MYO7A: variants seen among roughly 807,000 people sequenced by gnomAD.
MYO7A encodes the protein myosin VIIA, also known as unconventional myosin-VIIa.
Under a neutral mutation model 263.8 loss-of-function variants are expected in MYO7A, and 210 were observed. The ratio of observed to expected loss-of-function variants is 0.80; its 90% confidence interval spans 0.71 to 0.89. MYO7A has a LOEUF of 0.89. Among genes scored for constraint, MYO7A ranks in the 40% least tolerant of loss-of-function variants. MYO7A has a pLI of 0.00. For missense variants in MYO7A, 2,820 were observed against 2,968.3 expected, an observed-to-expected ratio of 0.95 and a Z score of 1.16; for synonymous variants, 1,239 against 1,197.3, an observed-to-expected ratio of 1.03 and a Z score of -0.72.
chr11:77,205,725 A>C, intron 40 of MYO7A, 108 bp downstream of exon 40: 1 of 1,438,116 alleles, frequency 7.0e-7, no homozygotes, highest in East Asian at 2.4e-5. Context: ...AGTTGGGCCC[A>C]CCCCTGGGGT....
At chr11:77,164,992 TATTAGGTG>T (rs1953398188) in intron 14 of MYO7A, among the ~76,000 whole-genome samples, 1 of 152,222 alleles carries the variant, frequency 6.6e-6, no homozygotes, top group Admixed American at 6.5e-5. Flanking sequence ...AAGTGGGTGG[TATTAGGTG>T]TTCTGAAGAG....
In MYO7A at chr11:77,156,800, G is replaced by C; in HGVS notation, c.592+19G>C. ...CTGGAAGGTAGGACCAGAGTTCCGAGGGTGGGACCAGGCAGTGGGGCGGGA... is the reference window on the plus strand; with the variant it reads ...CTGGAAGGTAGGACCAGAGTTCCGACGGTGGGACCAGGCAGTGGGGCGGGA... On this transcript the variant is annotated intron_variant, in intron 6 of 48. Coordinates refer to ENST00000409709, the MANE Select transcript of MYO7A (RefSeq NM_000260.4). 1 of 1,613,988 alleles carries C rather than the reference G, an allele frequency of 6.2e-7. No homozygotes were observed. Among genetic ancestry groups the C allele is most frequent in the Admixed American group, 1.7e-5 (1 of 60,034 alleles).
chr11:77,203,340 A>AC, intron 38 of MYO7A, 123 bp downstream of exon 38: 1 of 1,112,822 alleles, frequency 9.0e-7, no homozygotes, highest in East Asian at 2.6e-5. Flanking sequence ...TTGATGGAGT[A>AC]CCCCCTCCCT....
Position 77,206,101 on chromosome 11 carries a change from G to T in MYO7A, c.5641G>T (p.Gly1881Trp), listed in dbSNP as rs373886432. 1 of 1,610,750 alleles carries T rather than the reference G, an allele frequency of 6.2e-7. No individual in the cohort carries two copies. The highest frequency in any genetic ancestry group is 8.5e-7 in the Non-Finnish European group (1 of 1,178,710). The change falls in exon 41 of 49, where the codon GGG becomes TGG. Residue 1881 changes from glycine (G) to tryptophan (W), a missense_variant. Coordinates refer to ENST00000409709, the MANE Select transcript of MYO7A (RefSeq NM_000260.4). ...CTGCCCCTGCTGCCTTTTCAGAAACGGGTCCCGGAAGTACCCTCCGCACCT... is the reference window on the plus strand; with the variant it reads ...CTGCCCCTGCTGCCTTTTCAGAAACTGGTCCCGGAAGTACCCTCCGCACCT... Reference protein sequence around the residue: ...LQRLQKALRNGSRKYPPHLVE... With the variant: ...LQRLQKALRNWSRKYPPHLVE...
intron 48 of MYO7A, among the ~76,000 whole-genome samples, chr11:77,214,215 G>T (rs1958028736): frequency 1.3e-5 from 2 of 152,218 alleles, no homozygotes; most frequent in Admixed American, 6.5e-5. Context: ...AGTGCCTTCA[G>T]TATCTGGGGA....
chr11:77,196,742 G>A (rs1415006781), intron 32 of MYO7A, among the ~76,000 whole-genome samples: 1 of 151,928 alleles, frequency 6.6e-6, no homozygotes, highest in Non-Finnish European at 1.5e-5. Flanking sequence ...CTCATGGGTG[G>A]AGATGGGGCC....
At position 77,211,220 on chromosome 11, in the gene MYO7A, G is replaced by C. The variant is rs1957843873; in HGVS notation, c.6120G>C (p.Leu2040=). The C allele has an allele frequency of 1.4e-5, 23 of 1,591,328 alleles. No homozygotes were observed. Among genetic ancestry groups the C allele is most frequent in the Non-Finnish European group, 2.0e-5 (23 of 1,169,264 alleles). The change falls in exon 45 of 49, where the codon CTG becomes CTC. Residue 2040 remains leucine (L), a synonymous_variant. Coordinates refer to ENST00000409709, the MANE Select transcript of MYO7A (RefSeq NM_000260.4). ...TREEVLQLGA[L]IYRVKFEEDK... Reference sequence around the variant, plus strand: ...AGGAGGTGCTGCAGCTGGGGGCGCTGATCTACAGGGTCAAGTTCGAGGAGG... The same window carrying C: ...AGGAGGTGCTGCAGCTGGGGGCGCTCATCTACAGGGTCAAGTTCGAGGAGG...
intron 31 of MYO7A, chr11:77,193,991 T>C (rs1304587861): frequency 2.0e-6 from 1 of 490,882 alleles, no homozygotes; most frequent in Non-Finnish European, 4.0e-6. Flanking sequence ...GGCAGACACT[T>C]CCTCTTCTGC....
chr11:77,144,449 C>G (rs1051088365), intron 3 of MYO7A, among the ~76,000 whole-genome samples: 1 of 152,176 alleles, frequency 6.6e-6, no homozygotes, highest in Non-Finnish European at 1.5e-5. Flanking sequence ...GGTCCCCTCC[C>G]GCTTCTCCTC....
rs915777927 is a variant in MYO7A, at chr11:77,177,757, A to G, written c.2282+114A>G. 5 of 782,338 alleles carry G rather than the reference A, an allele frequency of 6.4e-6. No homozygotes were observed. The African/African-American group carries it at 6.8e-5, about 11-fold the overall frequency. The allele number at this position is 782,338 out of a possible 1,614,324, so 48.5% of individuals were successfully genotyped here. ...CACTAGGAAAAAAACGTGTTCACCT[A>G]TGAAACAAGTGCACACATGCATGGC... On this transcript the variant is annotated intron_variant, in intron 19 of 48. Coordinates refer to ENST00000409709, the MANE Select transcript of MYO7A (RefSeq NM_000260.4).
intron 44 of MYO7A, among the ~76,000 whole-genome samples, chr11:77,210,000 TCTTCCCTCAGTTC>T (rs1350645340): frequency 6.6e-6 from 1 of 152,260 alleles, no homozygotes; most frequent in Non-Finnish European, 1.5e-5. Flanking sequence ...GTTGGGATGC[TCTTCCCTCAGTTC>T]CTTCCCTCAC....
intron 2 of MYO7A, among the ~76,000 whole-genome samples, chr11:77,134,253 C>T (rs1555046825): frequency 6.6e-6 from 1 of 152,118 alleles, no homozygotes; most frequent in Non-Finnish European, 1.5e-5. Flanking sequence ...CTTAAATCTG[C>T]ATCAATATAG....
chr11:77,208,984 T>C, intron 44 of MYO7A, 181 bp downstream of exon 44: 1 of 605,624 alleles, frequency 1.7e-6, no homozygotes, highest in Admixed American at 2.8e-5. Flanking sequence ...CCTTGTATCT[T>C]CTGATTCTTC....
At chr11:77,189,247 A>G (rs1955852403) in intron 27 of MYO7A, 97 bp from the exon 28 acceptor site, 8 of 1,535,334 alleles carry the variant, frequency 5.2e-6, no homozygotes, top group Non-Finnish European at 5.3e-6. Context: ...GTTGGAGAGG[A>G]CAGCTGTGTG....
At chr11:77,139,148 T>A (rs1233301654) in intron 2 of MYO7A, among the ~76,000 whole-genome samples, 1 of 152,226 alleles carries the variant, frequency 6.6e-6, no homozygotes, top group Non-Finnish European at 1.5e-5. Context: ...TGGTGGAAAC[T>A]GAGGCCCAGA....
rs782436102 is a variant in MYO7A at position 77,157,246 on chromosome 11, C to T, written c.736-33C>T. ...CTGATGGCCTCCTCTGGCCCTCCTC[C>T]CCTGGCCCCCAGCACTGTGCCCACA... is the stretch of plus-strand genomic sequence containing the variant. On this transcript the variant is annotated intron_variant, in intron 7 of 48. Transcript: ENST00000409709. 11 of 1,547,866 alleles carry T rather than the reference C, an allele frequency of 7.1e-6. No individual in the cohort carries two copies. In the Admixed American group the frequency reaches 9.1e-5, roughly 13 times the overall value.
At chr11:77,167,980 G>A (rs1477875342) in intron 15 of MYO7A, among the ~76,000 whole-genome samples, 2 of 152,172 alleles carry the variant, frequency 1.3e-5, no homozygotes, top group African/African-American at 4.8e-5. Flanking sequence ...TGGCACCCAG[G>A]AGAGTCCCCA....
chr11:77,163,103 C>CATT, intron 14 of MYO7A, 115 bp downstream of exon 14: 1 of 898,572 alleles, frequency 1.1e-6, no homozygotes, highest in Admixed American at 2.9e-5. Flanking sequence ...TGTGATTATT[C>CATT]ATATATATAT....
At chr11:77,182,745 T>C (rs1955356683) in intron 25 of MYO7A, 145 bp downstream of exon 25, 1 of 914,470 alleles carries the variant, frequency 1.1e-6, no homozygotes, top group African/African-American at 1.7e-5. Context: ...CCCTCCTTTG[T>C]CTACTTGTGG....
Sources: gnomAD v4.1 joint callset for allele counts (sites outside exome capture counted in the v4.1 genomes callset) on GRCh38, gnomAD v4.1.1 for gene constraint, MANE v1.5 for transcripts, NCBI Gene and HGNC (gene_info 2026-07-23, HGNC 2026-07-21) for gene names.